The following CD300LG variants were observed in gnomAD, a reference collection of about 807,000 sequenced individuals.
CD300LG encodes the protein CD300 molecule like family member g.
Under a neutral mutation model 31.5 loss-of-function variants are expected in CD300LG, and 29 were observed. The ratio of observed to expected loss-of-function variants is 0.92; its 90% CI spans 0.68 to 1.25. CD300LG has a LOEUF of 1.25. Ranked by LOEUF, CD300LG falls within the 50% of genes most tolerant of loss-of-function variation. The pLI, the probability that CD300LG is intolerant of heterozygous loss-of-function variation, is 0.00. For missense variants in CD300LG, 396 were observed against 417.6 expected, an observed-to-expected ratio of 0.95 and a Z score of 0.45; for synonymous variants, 175 against 177.2, an observed-to-expected ratio of 0.99 and a Z score of 0.10.
In CD300LG at chr17:43,852,951, C is replaced by G. The variant is rs751602113; in HGVS notation, c.419C>G (p.Pro140Arg). The change falls in exon 3 of 7, where the codon CCT (proline) becomes CGT (arginine). Residue 140 changes from proline (P) to arginine (R), a missense_variant. Transcript: ENST00000317310. Reference protein sequence around the residue: ...CPPSPSPTFQPLATTRLQPKA... With the variant: ...CPPSPSPTFQRLATTRLQPKA... ...CCCTCCCCTTCTCCCACCTTCCAGC[C>G]TCTGGCTACAACACGCCTGCAGCCC... The G allele has an allele frequency of 1.2e-6, 2 of 1,613,328 alleles. No individual in the cohort carries two copies. The highest frequency in any genetic ancestry group is 4.5e-5 in the East Asian group (2 of 44,816).
At chr17:43,857,524 C>A in intron 6 of CD300LG, 1 of 1,492,460 alleles carries the variant, frequency 6.7e-7, no homozygotes, top group Non-Finnish European at 9.0e-7. Context: ...CCTGACTTTT[C>A]TCTCAGTTTG....
intron 4 of CD300LG, among the ~76,000 whole-genome samples, chr17:43,854,448 T>C (rs1202710839): frequency 1.3e-5 from 2 of 152,100 alleles, no homozygotes; most frequent in African/African-American, 4.8e-5. Context: ...TTCTTGGGGG[T>C]TGTAAATGCA....
At chr17:43,857,851 T>A in intron 6 of CD300LG, 1 of 1,537,230 alleles carries the variant, frequency 6.5e-7, no homozygotes, top group Non-Finnish European at 8.7e-7. Flanking sequence ...GTGGCTGCTC[T>A]GGGACCCAGG....
intron 1 of CD300LG, 141 bp downstream of exon 1, chr17:43,847,400 T>TGGGGGGGGGGGGGGGGTGGGGGGG: frequency 3.1e-6 from 1 of 325,848 alleles, no homozygotes; most frequent in Non-Finnish European, 5.7e-6. Flanking sequence ...GGGCTGGGGG[T>TGGGGGGGGGGGGGGGGTGGGGGGG]GGGGGGAGGT....
At chr17:43,857,989 A>C in intron 6 of CD300LG, 1 of 1,497,712 alleles carries the variant, frequency 6.7e-7, no homozygotes, top group Middle Eastern at 2.4e-4. Context: ...CCAGCACTCC[A>C]ACGGAGGGGG....
At chr17:43,857,357 G>T (rs1019542540) in intron 6 of CD300LG, 1 of 1,523,156 alleles carries the variant, frequency 6.6e-7, no homozygotes, top group East Asian at 2.4e-5. Flanking sequence ...TGCCCATGGG[G>T]GACTCACAGG....
Position 43,847,180 on chromosome 17 carries a change from T to C in CD300LG, c.-37T>C. 6.2e-7 allele frequency: 1 copy of C among 1,611,324 alleles called. No individual in the cohort carries two copies. The highest frequency in any genetic ancestry group is 8.5e-7 in the Non-Finnish European group (1 of 1,178,610). ...CGTGTGACTGAAGAGGAGCTCACAG[T>C]TCCCAGCGTCTGCTCCCACGGTGTC... On this transcript the variant is annotated 5_prime_UTR_variant, in exon 1 of 7. Coordinates refer to ENST00000317310, the MANE Select transcript of CD300LG (RefSeq NM_145273.4).
At chr17:43,858,241 T>C (rs1428987867) in intron 6 of CD300LG, 1 of 1,073,050 alleles carries the variant, frequency 9.3e-7, no homozygotes, top group African/African-American at 1.7e-5. Context: ...CTCAGGAAGC[T>C]CAACAGGGCC....
intron 3 of CD300LG, among the ~76,000 whole-genome samples, chr17:43,853,311 C>A (rs764076454): frequency 6.6e-6 from 1 of 152,188 alleles, no homozygotes; most frequent in Non-Finnish European, 1.5e-5. Flanking sequence ...TGGGCCCTGA[C>A]CTCTGGACTC....
At chr17:43,851,579 A>G (rs1167943964) in intron 2 of CD300LG, among the ~76,000 whole-genome samples, 1 of 150,798 alleles carries the variant, frequency 6.6e-6, no homozygotes, top group African/African-American at 2.4e-5. Context: ...GGACCGGAGT[A>G]GCTCCTGGGG....
rs2046426478 is a variant in CD300LG at position 43,853,730 on chromosome 17, G to A, written c.482-77G>A. The A allele has an allele frequency of 9.9e-6, 12 of 1,208,144 alleles. No individual in the cohort carries two copies. In the South Asian group the frequency reaches 1.1e-4, roughly 11 times the overall value. 74.8% of individuals were successfully genotyped at this position (1,208,144 alleles called of 1,614,324 possible). ...GGTCCCAGGGAGGCTAGGGTTCAGG[G>A]GTCCAGGGTCAGAAGTCAGGGATGC... On this transcript the variant is annotated intron_variant, in intron 3 of 6. Coordinates refer to ENST00000317310, the MANE Select transcript of CD300LG (RefSeq NM_145273.4).
chr17:43,853,079 T>C, intron 3 of CD300LG, 66 bp downstream of exon 3: 1 of 1,364,410 alleles, frequency 7.3e-7, no homozygotes, highest in Non-Finnish European at 1.0e-6. Context: ...AGTGAGTGCC[T>C]GCCTGGTACC....
intron 5 of CD300LG, 149 bp from the exon 6 acceptor site, chr17:43,856,955 G>C (rs1489559198): frequency 1.4e-6 from 1 of 702,658 alleles, no homozygotes; most frequent in Non-Finnish European, 2.5e-6. Context: ...AAGCTGGAAG[G>C]GGCTCCTCTG....
chr17:43,858,562 G>A lies in CD300LG; in HGVS notation c.885+1406G>A, dbSNP rs565567958. 1.6e-5 allele frequency: 16 copies of A among 985,476 alleles called. No homozygotes were observed. In the East Asian group the frequency reaches 1.1e-3, roughly 70 times the overall value. The allele number at this position is 985,476 out of a possible 1,614,324, so 61.0% of individuals were successfully genotyped here. ...GGAAGGGGCACAGGGCCAGCAGGCA[G>A]AGGGGCTCTAGGGGGCGGCCCCTTG... On this transcript the variant is annotated intron_variant, in intron 6 of 6. Transcript: ENST00000317310.
At chr17:43,847,425 G>A (rs2046215916) in intron 1 of CD300LG, among the ~76,000 whole-genome samples, 166 bp downstream of exon 1, 1 of 152,172 alleles carries the variant, frequency 6.6e-6, no homozygotes, top group Non-Finnish European at 1.5e-5. Context: ...GTGGCGCCGG[G>A]GCCGCACTTG....
intron 6 of CD300LG, among the ~76,000 whole-genome samples, chr17:43,859,833 C>T (rs1169120774): frequency 6.6e-6 from 1 of 152,232 alleles, no homozygotes; most frequent in Non-Finnish European, 1.5e-5. Context: ...GCTCTAATTC[C>T]TACCTTGTCC....
intron 3 of CD300LG, among the ~76,000 whole-genome samples, chr17:43,853,309 G>C (rs961056814): frequency 6.6e-6 from 1 of 152,198 alleles, no homozygotes. Context: ...CTTGGGCCCT[G>C]ACCTCTGGAC....
intron 1 of CD300LG, 84 bp downstream of exon 1, chr17:43,847,343 C>A: frequency 2.0e-6 from 3 of 1,472,318 alleles, no homozygotes; most frequent in Non-Finnish European, 2.8e-6. Flanking sequence ...TGACTGATAG[C>A]CCCACCCCAC....
At chr17:43,848,942 G>A (rs1267126421) in intron 2 of CD300LG, 49 bp downstream of exon 2, 1 of 1,514,878 alleles carries the variant, frequency 6.6e-7, no homozygotes, top group East Asian at 2.3e-5. Flanking sequence ...GCTGCAGAGG[G>A]AAGAGGGAGG....
Sources: gnomAD v4.1 joint callset for allele counts (sites outside exome capture counted in the v4.1 genomes callset) on GRCh38, gnomAD v4.1.1 for gene constraint, MANE v1.5 for transcripts, NCBI Gene and HGNC (gene_info 2026-07-23, HGNC 2026-07-21) for gene names.